The following ROBO2 variants were observed in gnomAD, a reference collection of about 807,000 sequenced individuals.
The protein encoded by ROBO2 is roundabout guidance receptor 2.
Under a neutral mutation model 160.8 loss-of-function variants are expected in ROBO2, and 53 were observed. That is an observed-to-expected ratio of 0.33 (90% CI 0.26 to 0.41). The LOEUF (loss-of-function observed/expected upper bound fraction) is 0.41. Among genes scored for constraint, ROBO2 ranks in the 10% least tolerant of loss-of-function variants. ROBO2 has a pLI of 1.00. For missense variants in ROBO2, 1,577 were observed against 1,722.4 expected, an observed-to-expected ratio of 0.92 and a Z score of 1.49; for synonymous variants, 664 against 611.7, an observed-to-expected ratio of 1.09 and a Z score of -1.26.
At chr3:76,181,958 A>G (rs190584833) in intron 2 of ROBO2, among the ~76,000 whole-genome samples, 72 of 152,264 alleles carry the variant, frequency 4.7e-4, no homozygotes, top group African/African-American at 1.7e-3. Context: ...TTATGTATTC[A>G]TATGTCTCTT....
chr3:77,537,905 TC>T (rs2092234165), intron 6 of ROBO2, among the ~76,000 whole-genome samples: 2 of 151,964 alleles, frequency 1.3e-5, no homozygotes, highest in African/African-American at 4.8e-5. Flanking sequence ...TTCAATTACC[TC>T]CCACCGGGTC....
rs2060332419 is a variant in ROBO2, at chr3:76,985,575, G to GGAAAA, written c.110-112439_110-112438insGAAAA. Reference sequence around the variant, plus strand: ...TGGGCGACAAAGCGAGACTCCGTCTGAAAAAAAAAAAAAAAAAAAAAAAAA... The same window carrying GGAAAA: ...TGGGCGACAAAGCGAGACTCCGTCTGGAAAAAAAAAAAAAAAAAAAAAAAAAAAAA... On this transcript the variant is annotated intron_variant, in intron 2 of 26. Coordinates refer to the ROBO2 transcript ENST00000487694. 1.5e-4 allele frequency among the ~76,000 whole-genome samples: 4 copies of GGAAAA among 26,380 alleles called. No individual in the cohort carries two copies. The South Asian group carries it at 8.1e-3, about 54-fold the overall frequency. 17.3% of individuals were successfully genotyped at this position (26,380 alleles called of 152,430 possible).
intron 2 of ROBO2, among the ~76,000 whole-genome samples, chr3:76,624,796 CAAAAAAAAAAAAAAAAAAAAAAA>C (rs57920315): frequency 8.6e-5 from 4 of 46,292 alleles, no homozygotes; most frequent in South Asian, 1.3e-3. Context: ...GACTCCGTCT[CAAAAAAAAAAAAAAAAAAAAAAA>C]AAAAAAAAAA....
chr3:77,231,031 T>C (rs2087110680), intron 2 of ROBO2, among the ~76,000 whole-genome samples: 1 of 152,036 alleles, frequency 6.6e-6, no homozygotes, highest in Admixed American at 6.6e-5. Context: ...AAGAAAAATA[T>C]TGCTTTATTT....
chr3:77,459,425 A>G (rs1401209121), intron 2 of ROBO2, among the ~76,000 whole-genome samples: 6 of 152,206 alleles, frequency 3.9e-5, no homozygotes, highest in Non-Finnish European at 7.3e-5. Context: ...TTCAATGAAC[A>G]TTTATTGCGC....
chr3:77,312,918 C>A (rs1402851285), intron 2 of ROBO2, among the ~76,000 whole-genome samples: 1 of 152,148 alleles, frequency 6.6e-6, no homozygotes, highest in East Asian at 1.9e-4. Flanking sequence ...AATCTGTGTC[C>A]TTTATTTACC....
In ROBO2 at chr3:77,418,074, G is replaced by C. The variant is rs540455719; in HGVS notation, c.389-59340G>C. 1.3e-4 allele frequency among the ~76,000 whole-genome samples: 20 copies of C among 152,184 alleles called. No homozygotes were observed. In the East Asian group the frequency reaches 3.9e-3, roughly 29 times the overall value. Reference sequence around the variant, plus strand: ...TAAATAAGCCTTGTTGCTACCTCAAGTGATTTCTTAAAAAAATCTTGCTTT... The same window carrying C: ...TAAATAAGCCTTGTTGCTACCTCAACTGATTTCTTAAAAAAATCTTGCTTT... On this transcript the variant is annotated intron_variant, in intron 2 of 25. Transcript: ENST00000461745.
intron 2 of ROBO2, among the ~76,000 whole-genome samples, chr3:76,043,858 A>T (rs1320551313): frequency 6.6e-6 from 1 of 151,834 alleles, no homozygotes; most frequent in Admixed American, 6.6e-5. Context: ...CTATGTGAAG[A>T]TTGTCTTCGG....
intron 2 of ROBO2, among the ~76,000 whole-genome samples, chr3:77,222,533 G>A (rs2085961604): frequency 1.3e-5 from 2 of 152,148 alleles, no homozygotes. Context: ...GCAAGTAAGA[G>A]TGAATTGGTT....
chr3:76,791,751 A>G lies in ROBO2; in HGVS notation c.110-306263A>G, dbSNP rs184491385. The stretch of plus-strand genomic sequence containing the variant: ...TTTAAGCCGATAAATTTGGGGTGCA[A>G]TCAGCTCTCTATAGCCATGGATTCT... On this transcript the variant is annotated intron_variant, in intron 2 of 26. Transcript: ENST00000487694. Among the ~76,000 whole-genome samples, 7 of 151,852 alleles carry G rather than the reference A, an allele frequency of 4.6e-5. No individual in the cohort carries two copies. The East Asian group carries it at 9.8e-4, about 21-fold the overall frequency.
intron 2 of ROBO2, among the ~76,000 whole-genome samples, chr3:76,400,165 C>T (rs1275087585): frequency 6.6e-6 from 1 of 151,626 alleles, no homozygotes; most frequent in Non-Finnish European, 1.5e-5. Flanking sequence ...ACTTGGAAAA[C>T]ATTCTGGAAT....
At chr3:76,776,411 C>T (rs989006502) in intron 2 of ROBO2, among the ~76,000 whole-genome samples, 1 of 150,848 alleles carries the variant, frequency 6.6e-6, no homozygotes, top group African/African-American at 2.4e-5. Context: ...TTGTGTTTAG[C>T]TCATATAAAT....
At chr3:76,775,171 A>T (rs2062163294) in intron 2 of ROBO2, among the ~76,000 whole-genome samples, 1 of 150,732 alleles carries the variant, frequency 6.6e-6, no homozygotes, top group Non-Finnish European at 1.5e-5. Flanking sequence ...GTAGCTACAT[A>T]TGTAGTCCTA....
chr3:76,028,948 C>T (rs1241372871), intron 2 of ROBO2, among the ~76,000 whole-genome samples: 1 of 152,006 alleles, frequency 6.6e-6, no homozygotes, highest in Non-Finnish European at 1.5e-5. Flanking sequence ...GGGCTAGTTC[C>T]TGGCAGTGAT....
chr3:76,924,701 C>A (rs1447152047), intron 2 of ROBO2, among the ~76,000 whole-genome samples: 1 of 152,164 alleles, frequency 6.6e-6, no homozygotes, highest in Non-Finnish European at 1.5e-5. Context: ...CAGAAGCAGG[C>A]ATTCGTGTAG....
intron 2 of ROBO2, among the ~76,000 whole-genome samples, chr3:76,685,442 A>G (rs1220254887): frequency 6.6e-6 from 1 of 152,152 alleles, no homozygotes; most frequent in Non-Finnish European, 1.5e-5. Context: ...TCTTTCTGAT[A>G]AAATAGTAGA....
At chr3:76,478,418 C>T (rs1042625142) in intron 2 of ROBO2, among the ~76,000 whole-genome samples, 6 of 151,514 alleles carry the variant, frequency 4.0e-5, no homozygotes, top group African/African-American at 1.5e-4. Flanking sequence ...TTTCTTAATC[C>T]AGTCTATCAT....
At chr3:77,527,761 T>G (rs890830865) in intron 6 of ROBO2, among the ~76,000 whole-genome samples, 1 of 151,612 alleles carries the variant, frequency 6.6e-6, no homozygotes, top group African/African-American at 2.4e-5. Context: ...AAATAATCAA[T>G]TATTAGTTAT....
chr3:76,538,151 T>TCACA (rs3223397), intron 2 of ROBO2, among the ~76,000 whole-genome samples: 10,464 of 146,262 alleles, frequency 0.072, 910 homozygotes, highest in African/African-American at 0.21. Context: ...CTGACAGAAC[T>TCACA]CACACACACA....
Sources: gnomAD v4.1 joint callset for allele counts (sites outside exome capture counted in the v4.1 genomes callset) on GRCh38, gnomAD v4.1.1 for gene constraint, MANE v1.5 for transcripts, NCBI Gene and HGNC (gene_info 2026-07-23, HGNC 2026-07-21) for gene names.